The following BACH1 variants were observed in gnomAD, a reference collection of about 807,000 sequenced individuals.
BACH1 encodes transcription regulator protein BACH1.
A neutral mutation model predicts 52.9 loss-of-function variants in BACH1; 35 were observed. The ratio of observed to expected loss-of-function variants is 0.66; its 90% CI spans 0.51 to 0.88. The LOEUF is 0.88. Ranked by LOEUF, BACH1 falls within the 40% of genes least tolerant of loss-of-function variation. BACH1 has a pLI of 0.00. For synonymous variants in BACH1, 321 were observed against 319.6 expected, an observed-to-expected ratio of 1.00 and a Z score of -0.05; for missense variants, 808 against 872.6, an observed-to-expected ratio of 0.93 and a Z score of 0.93.
At chr21:29,321,744 T>C in intron 2 of BACH1, among the ~76,000 whole-genome samples, 1 of 151,808 alleles carries the variant, frequency 6.6e-6, no homozygotes, top group Admixed American at 6.6e-5. Flanking sequence ...CCCACTGTTA[T>C]GTTATTTTTG....
intron 1 of BACH1, among the ~76,000 whole-genome samples, chr21:29,318,667 G>A (rs1448054777): frequency 2.0e-5 from 3 of 152,210 alleles, no homozygotes; most frequent in Non-Finnish European, 4.4e-5. Context: ...CAGCCAGCTG[G>A]TGGCAGGATG....
At chr21:29,306,747 C>T (rs949634162) in intron 1 of BACH1, among the ~76,000 whole-genome samples, 1 of 152,146 alleles carries the variant, frequency 6.6e-6, no homozygotes, top group African/African-American at 2.4e-5. Flanking sequence ...AGAAAATGTG[C>T]TTGCCTTTGG....
intron 1 of BACH1, among the ~76,000 whole-genome samples, chr21:29,302,655 A>G (rs1040270832): frequency 2.0e-5 from 3 of 152,228 alleles, no homozygotes; most frequent in African/African-American, 4.8e-5. Flanking sequence ...AGTGGTTAGA[A>G]CAGTGCCAGC....
chr21:29,299,375 GTAT>G (rs1054113630), intron 1 of BACH1: 1 of 152,264 alleles, frequency 6.6e-6, no homozygotes, highest in African/African-American at 2.4e-5. Flanking sequence ...CTGGGGCCCC[GTAT>G]TGTCCTCCGC....
rs2088912114 is a variant in BACH1, at chr21:29,326,430, T to C, written c.606T>C (p.Ser202=). Residue 202 remains serine, a synonymous_variant, in exon 3 of 5, where the codon AGT becomes AGC. Transcript: ENST00000286800. The part of the protein sequence containing the change: ...NAKASPPLQD[S]ASQTYESMCL... ...AAGCCTCACCTCCTCTACAAGACAG[T>C]GCCAGTCAGACATATGAGTCCATGT... is the stretch of plus-strand genomic sequence containing the variant. 6.2e-7 allele frequency: 1 copy of C among 1,614,206 alleles called. No homozygotes were observed.
In BACH1 at chr21:29,342,412, A is replaced by G; in HGVS notation, c.1790A>G (p.Glu597Gly). The G allele has an allele frequency of 1.2e-6, 2 of 1,612,932 alleles. No homozygotes were observed. Among genetic ancestry groups the G allele is most frequent in the Non-Finnish European group, 8.5e-7 (1 of 1,179,234 alleles). ...CCCACTTCACAGCAAAGTGAAAAGG[A>G]GAGCTTGTTGAAGGAAAGAGATCAC... ...SEIEKLQSEKESLLKERDHIL... is the reference protein window; with the variant it reads ...SEIEKLQSEKGSLLKERDHIL... The change falls in exon 5 of 5, where the codon GAG becomes GGG. Residue 597 changes from glutamate to glycine, a missense_variant. Coordinates refer to ENST00000286800, the MANE Select transcript of BACH1 (RefSeq NM_001186.4).
chr21:29,326,071 G>T lies in BACH1; in HGVS notation c.247G>T (p.Gly83Ter). The part of the protein sequence containing the change: ...ITLPEEVTVK[G>*]FEPLIQFAYT... ...TGTGTATCAACAGGTGACAGTTAAAGGATTTGAACCTTTAATTCAGTTTGC... is the reference window on the plus strand; with the variant it reads ...TGTGTATCAACAGGTGACAGTTAAATGATTTGAACCTTTAATTCAGTTTGC... Residue 83 changes from glycine (G) to a stop codon, truncating the protein, a stop_gained, in exon 3 of 5, where the codon GGA (glycine) becomes TGA (stop). Coordinates refer to ENST00000286800, the MANE Select transcript of BACH1 (RefSeq NM_001186.4). LOFTEE classifies it high-confidence loss of function. 6.2e-7 allele frequency: 1 copy of T among 1,603,602 alleles called. No homozygotes were observed. The highest frequency in any genetic ancestry group is 8.5e-7 in the Non-Finnish European group (1 of 1,175,296).
intron 4 of BACH1, among the ~76,000 whole-genome samples, chr21:29,329,960 C>G (rs1387312120): frequency 6.6e-6 from 1 of 152,088 alleles, no homozygotes; most frequent in Non-Finnish European, 1.5e-5. Context: ...ACTTTAGGTT[C>G]TCTGTTTTGT....
rs1046701247 is a variant in BACH1, at chr21:29,357,531, G to A, written c.472+27838G>A. Among the ~76,000 whole-genome samples the A allele has an allele frequency of 3.4e-3, 521 of 152,242 alleles. 6 individuals are homozygous for A. Among genetic ancestry groups the A allele is most frequent in the African/African-American group, 0.012 (487 of 41,538 alleles). ...GTCTGATAGCCATAAACTTCCTTTGGCACCTAGTATGCCATTTACATCATG... is the reference window on the plus strand; with the variant it reads ...GTCTGATAGCCATAAACTTCCTTTGACACCTAGTATGCCATTTACATCATG... On this transcript the variant is annotated intron_variant, in intron 2 of 4. Transcript: ENST00000422809.
intron 4 of BACH1, among the ~76,000 whole-genome samples, chr21:29,338,347 AT>A (rs770706998): frequency 1.3e-5 from 2 of 151,626 alleles, no homozygotes; most frequent in African/African-American, 2.4e-5. Context: ...CATACAATTA[AT>A]TTTTTTTTCT....
intron 1 of BACH1, among the ~76,000 whole-genome samples, chr21:29,317,601 C>G (rs1020549903): frequency 2.6e-5 from 4 of 152,074 alleles, no homozygotes; most frequent in Non-Finnish European, 4.4e-5. Context: ...GGATGGAAAA[C>G]CCAACTACAT....
At chr21:29,307,489 GT>G (rs1803969786) in intron 1 of BACH1, among the ~76,000 whole-genome samples, 1 of 152,082 alleles carries the variant, frequency 6.6e-6, no homozygotes, top group Non-Finnish European at 1.5e-5. Flanking sequence ...CCCACCCACT[GT>G]TTTACTTTCA....
At chr21:29,356,848 C>A (rs1405209149) in intron 2 of BACH1, among the ~76,000 whole-genome samples, 2 of 115,276 alleles carry the variant, frequency 1.7e-5, no homozygotes, top group African/African-American at 5.7e-5. Flanking sequence ...TTTACTACTT[C>A]TATCTCTCTC....
chr21:29,310,721 A>G (rs536734505), intron 1 of BACH1, among the ~76,000 whole-genome samples: 2 of 152,360 alleles, frequency 1.3e-5, no homozygotes, highest in Admixed American at 1.3e-4. Flanking sequence ...ACTATTGCTG[A>G]GATGCTGTGT....
At chr21:29,339,902 C>T (rs1302735685) in intron 4 of BACH1, among the ~76,000 whole-genome samples, 1 of 152,194 alleles carries the variant, frequency 6.6e-6, no homozygotes, top group Admixed American at 6.5e-5. Flanking sequence ...TCCCAAAGTG[C>T]TGGGATTACA....
intron 2 of BACH1, among the ~76,000 whole-genome samples, chr21:29,355,938 G>T (rs1373710589): frequency 6.6e-6 from 1 of 152,222 alleles, no homozygotes; most frequent in Admixed American, 6.5e-5. Flanking sequence ...CTTCCCCTAA[G>T]AAGATGCAGA....
At chr21:29,325,718 G>A (rs1414042830) in intron 2 of BACH1, among the ~76,000 whole-genome samples, 1 of 152,130 alleles carries the variant, frequency 6.6e-6, no homozygotes, top group Non-Finnish European at 1.5e-5. Context: ...GTGGCAGGTA[G>A]TGTTCATCCT....
chr21:29,310,088 G>A (rs914318774), intron 1 of BACH1, among the ~76,000 whole-genome samples: 1 of 151,848 alleles, frequency 6.6e-6, no homozygotes, highest in African/African-American at 2.4e-5. Context: ...GTAATTTATT[G>A]TGAAGAATCT....
rs2088915412 is a variant in BACH1 at position 29,326,646 on chromosome 21, G to C, written c.822G>C (p.Gln274His). The C allele has an allele frequency of 1.2e-6, 2 of 1,614,082 alleles. No homozygotes were observed. The highest frequency in any genetic ancestry group is 1.7e-6 in the Non-Finnish European group (2 of 1,180,058). Reference sequence around the variant, plus strand: ...GAGTCCCGGAGTGTAGAGATTTGCAGGTGATGTTAAAATGTGACGAAAGTA... The same window carrying C: ...GAGTCCCGGAGTGTAGAGATTTGCACGTGATGTTAAAATGTGACGAAAGTA... ...LGGVPECRDL[Q>H]VMLKCDESKL... The change falls in exon 3 of 5, where the codon CAG (glutamine) becomes CAC (histidine). Residue 274 changes from glutamine to histidine, a missense_variant. Physicochemically the swap from Gln to His is conservative, Grantham distance 24. Coordinates refer to ENST00000286800, the MANE Select transcript of BACH1 (RefSeq NM_001186.4).
Sources: gnomAD v4.1 joint callset for allele counts (sites outside exome capture counted in the v4.1 genomes callset) on GRCh38, gnomAD v4.1.1 for gene constraint, MANE v1.5 for transcripts, NCBI Gene and HGNC (gene_info 2026-07-23, HGNC 2026-07-21) for gene names.